Variants in FRYL observed in about 807,000 individuals in gnomAD.
The protein encoded by FRYL is FRY like transcription coactivator.
In FRYL, 150 loss-of-function variants were observed where a neutral mutation model predicts 351.2. That is an observed-to-expected ratio of 0.43 (90% CI 0.37 to 0.49). The LOEUF is 0.49. Ranked by LOEUF, FRYL falls within the 20% of genes least tolerant of loss-of-function variation. The pLI is 0.00. For synonymous variants in FRYL, 1,153 were observed against 1,257.1 expected (o/e 0.92, Z 1.75); for missense variants, 3,036 against 3,619.3 (o/e 0.84, Z 4.13).
Position 48,732,433 on chromosome 4 carries a change from A to T in FRYL, c.-383-21735T>A, listed in dbSNP as rs1446580382. 3.9e-5 allele frequency among the ~76,000 whole-genome samples: 6 copies of T among 152,150 alleles called. No individual in the cohort carries two copies. In the East Asian group the frequency reaches 1.2e-3, roughly 29 times the overall value. On this transcript the variant is annotated intron_variant, in intron 1 of 63. Transcript: ENST00000358350. ...CAGCAATCCCATTACTGGGCATATA[A>T]CCAAAGGATTATAAATCATTCTACT... is the stretch of plus-strand genomic sequence containing the variant.
chr4:48,597,333 A>C (rs899023423), intron 13 of FRYL, among the ~76,000 whole-genome samples: 1 of 152,194 alleles, frequency 6.6e-6, no homozygotes, highest in Admixed American at 6.5e-5. Context: ...TGGTAGATAC[A>C]TGTCATTATA....
At chr4:48,729,521 C>T (rs567400173) in intron 1 of FRYL, among the ~76,000 whole-genome samples, 130 of 152,258 alleles carry the variant, frequency 8.5e-4, no homozygotes, top group African/African-American at 3.0e-3. Flanking sequence ...GGGTGCCTCT[C>T]TGGGACGAAG....
At chr4:48,551,820 G>C (rs1195248791) in intron 36 of FRYL, among the ~76,000 whole-genome samples, 2 of 152,180 alleles carry the variant, frequency 1.3e-5, no homozygotes, top group African/African-American at 4.8e-5. Context: ...CAAAGGTGGT[G>C]GTGGGTGAAA....
chr4:48,603,335 A>T lies in FRYL; in HGVS notation c.888T>A (p.Leu296=). 1 of 1,612,904 alleles carries T rather than the reference A, an allele frequency of 6.2e-7. No homozygotes were observed. Among genetic ancestry groups the T allele is most frequent in the Non-Finnish European group, 8.5e-7 (1 of 1,179,478 alleles). Residue 296 remains leucine, a synonymous_variant, in exon 12 of 64, where the codon CTT becomes CTA. Coordinates refer to ENST00000358350, the MANE Select transcript of FRYL (RefSeq NM_015030.2). The part of the protein sequence containing the change: ...VPCLKNFVEM[L]YQTTFELSSR... ...AGCTCAGTTCAAAAGTAGTCTGATA[A>T]AGCATCTCCACAAAATTTTTCAAAC...
At chr4:48,569,819 TC>T (rs1737848525) in intron 27 of FRYL, among the ~76,000 whole-genome samples, 1 of 152,178 alleles carries the variant, frequency 6.6e-6, no homozygotes, top group Admixed American at 6.5e-5. Context: ...TTCTTTTTTT[TC>T]CTTTTTGTTT....
chr4:48,565,399 G>T, intron 29 of FRYL, 132 bp downstream of exon 29: 2 of 554,822 alleles, frequency 3.6e-6, no homozygotes, highest in Non-Finnish European at 5.8e-6. Context: ...ATAACTTATG[G>T]TATAAGTTTT....
intron 3 of FRYL, among the ~76,000 whole-genome samples, chr4:48,671,581 C>T (rs1259301489): frequency 6.6e-6 from 1 of 151,992 alleles, no homozygotes; most frequent in East Asian, 1.9e-4. Flanking sequence ...GCAGGAGAAT[C>T]GCTTGAACCC....
At chr4:48,733,903 T>C (rs542487447) in intron 1 of FRYL, among the ~76,000 whole-genome samples, 45 of 151,928 alleles carry the variant, frequency 3.0e-4, no homozygotes, top group Admixed American at 1.2e-3. Flanking sequence ...CAAAGGAATA[T>C]AATTCACATA....
intron 5 of FRYL, among the ~76,000 whole-genome samples, chr4:48,622,332 G>C (rs1750822185): frequency 6.6e-6 from 1 of 152,126 alleles, no homozygotes; most frequent in African/African-American, 2.4e-5. Context: ...TTGTAACAGA[G>C]GTCTTACTGC....
In FRYL at chr4:48,497,611, G is replaced by C. The variant is rs1336158885; in HGVS notation, c.*1811C>G. 6.6e-6 allele frequency: 1 copy of C among 152,538 alleles called. No homozygotes were observed. The highest frequency in any genetic ancestry group is 1.5e-5 in the Non-Finnish European group (1 of 68,010). 9.4% of individuals were successfully genotyped at this position (152,538 alleles called of 1,614,324 possible). ...ATTTTTAACAAAAAGGATGTAAGGA[G>C]GGTAAGAAAAACAGAGGACAGTAAG... On this transcript the variant is annotated 3_prime_UTR_variant, in exon 64 of 64. Coordinates refer to ENST00000358350, the MANE Select transcript of FRYL (RefSeq NM_015030.2).
intron 36 of FRYL, among the ~76,000 whole-genome samples, chr4:48,552,977 T>C (rs765107409): frequency 6.6e-6 from 1 of 152,162 alleles, no homozygotes; most frequent in Non-Finnish European, 1.5e-5. Context: ...TGCACATACA[T>C]ATAGGTGTGT....
chr4:48,542,064 T>C lies in FRYL; in HGVS notation c.5650A>G (p.Thr1884Ala). Residue 1884 changes from threonine (T) to alanine (A), a missense_variant, in exon 45 of 64, where the codon ACC becomes GCC. By Grantham distance (58) the Thr-to-Ala change is moderately conservative (BLOSUM62 0). This residue lies in a region of FRYL where 1,987 missense variants were observed against 2,311.7 expected (regional missense o/e 0.86). Transcript: ENST00000358350. Reference sequence around the variant, plus strand: ...GAAAGAAGATCATAATGCTTCATGGTTTCAGCCAAAGTATCAATTGCAGAT... The same window carrying C: ...GAAAGAAGATCATAATGCTTCATGGCTTCAGCCAAAGTATCAATTGCAGAT... ...LESAIDTLAETMKHYDLLSAL... is the reference protein window; with the variant it reads ...LESAIDTLAEAMKHYDLLSAL... The C allele has an allele frequency of 6.2e-7, 1 of 1,613,928 alleles. No individual in the cohort carries two copies. The highest frequency in any genetic ancestry group is 1.3e-5 in the African/African-American group (1 of 75,030).
chr4:48,597,701 C>T (rs902878287), intron 13 of FRYL, among the ~76,000 whole-genome samples: 10 of 151,956 alleles, frequency 6.6e-5, no homozygotes, highest in Non-Finnish European at 1.3e-4. Context: ...TATTTAAGTC[C>T]TATTCTACAT....
Position 48,557,067 on chromosome 4 carries a change from C to T in FRYL, c.4177G>A (p.Ala1393Thr). 6.2e-7 allele frequency: 1 copy of T among 1,607,954 alleles called. No homozygotes were observed. The highest frequency in any genetic ancestry group is 8.5e-7 in the Non-Finnish European group (1 of 1,177,218). ...SEVENVWTTL[A>T]DGWPKNLKII... ...TTCAGGTTTTTGGGCCAGCCATCTG[C>T]AAGTGTGGTCCACACATTCTCCACC... The change falls in exon 35 of 64, where the codon GCA (alanine) becomes ACA (threonine). Residue 1393 changes from alanine to threonine, a missense_variant. Physicochemically the swap from Ala to Thr is moderately conservative, Grantham distance 58. This residue lies in a region of FRYL where 1,987 missense variants were observed against 2,311.7 expected (regional missense o/e 0.86). Coordinates refer to ENST00000358350, the MANE Select transcript of FRYL (RefSeq NM_015030.2).
At chr4:48,712,127 G>A (rs1251167699) in intron 1 of FRYL, among the ~76,000 whole-genome samples, 2 of 152,154 alleles carry the variant, frequency 1.3e-5, no homozygotes, top group Non-Finnish European at 2.9e-5. Context: ...AAAAAACAGA[G>A]CAGAAAAACT....
chr4:48,656,317 C>T (rs375530686), intron 3 of FRYL, among the ~76,000 whole-genome samples: 127 of 53,896 alleles, frequency 2.4e-3, no homozygotes, highest in African/African-American at 5.3e-3. Flanking sequence ...TTATATATTA[C>T]ATAATATATA....
intron 3 of FRYL, among the ~76,000 whole-genome samples, chr4:48,675,947 T>C (rs893073633): frequency 6.6e-6 from 1 of 152,178 alleles, no homozygotes; most frequent in African/African-American, 2.4e-5. Flanking sequence ...AGTGCACCAA[T>C]CAACACTCTG....
At chr4:48,629,306 A>C (rs1312089699) in intron 4 of FRYL, among the ~76,000 whole-genome samples, 1 of 152,162 alleles carries the variant, frequency 6.6e-6, no homozygotes, top group African/African-American at 2.4e-5. Context: ...TCTATCCTAA[A>C]ACAGAACAGT....
chr4:48,644,221 C>T (rs551760404), intron 3 of FRYL, among the ~76,000 whole-genome samples: 11 of 152,242 alleles, frequency 7.2e-5, no homozygotes, highest in Admixed American at 7.2e-4. Context: ...GGATTACAGG[C>T]ATGAGCCACC....
Sources: allele counts gnomAD v4.1 joint callset (sites outside exome capture counted in the v4.1 genomes callset), GRCh38; gene constraint gnomAD v4.1.1; regional missense constraint gnomAD v4.1.1; transcripts MANE v1.5; gene names NCBI Gene and HGNC (gene_info 2026-07-23, HGNC 2026-07-21).